The following ADH1C variants were observed in gnomAD, a reference collection of about 807,000 sequenced individuals.
ADH1C encodes the protein alcohol dehydrogenase 1C (class I), gamma polypeptide.
Under a neutral mutation model 35.0 loss-of-function variants are expected in ADH1C, and 26 were observed. The observed-to-expected ratio is 0.74, with a 90% CI of 0.54 to 1.03. The LOEUF (loss-of-function observed/expected upper bound fraction) is 1.03, where lower values mean the gene tolerates loss of function less well. ADH1C is among the 50% of genes least tolerant of loss of function. ADH1C has a pLI of 0.00. For missense variants in ADH1C, 413 were observed against 465.4 expected (o/e 0.89, Z 1.04); for synonymous variants, 170 against 169.3 (o/e 1.00, Z -0.03).
chr4:99,342,785 C>A lies in ADH1C; in HGVS notation c.828+10G>T, dbSNP rs1789912. 1.9e-6 allele frequency: 3 copies of A among 1,613,674 alleles called. No homozygotes were observed. In the South Asian group the frequency reaches 3.3e-5, roughly 18 times the overall value. On this transcript the variant is annotated intron_variant, in intron 6 of 8. Transcript: ENST00000515683. Reference sequence around the variant, plus strand: ...GAGGCAGAAATTTCAGGGCATGTCACGGATCATACCATGGTGTCAAGCCGA... The same window carrying A: ...GAGGCAGAAATTTCAGGGCATGTCAAGGATCATACCATGGTGTCAAGCCGA...
intron 8 of ADH1C, among the ~76,000 whole-genome samples, chr4:99,338,395 CTATATATA>C (rs35124782): frequency 2.8e-4 from 11 of 38,958 alleles, no homozygotes; most frequent in Non-Finnish European, 3.7e-4. Context: ...ATACTGTTTT[CTATATATA>C]TATATATATA....
intron 5 of ADH1C, 119 bp downstream of exon 5, chr4:99,344,743 A>T: frequency 7.7e-7 from 1 of 1,294,918 alleles, no homozygotes; most frequent in Non-Finnish European, 1.1e-6. Context: ...TCATTTTTCT[A>T]CTCTTAATCG....
intron 5 of ADH1C, among the ~76,000 whole-genome samples, chr4:99,343,544 C>A (rs962966029): frequency 2.0e-5 from 3 of 152,200 alleles, no homozygotes; most frequent in African/African-American, 4.8e-5. Context: ...CTCCAGGAGA[C>A]TGAAAAATAT....
intron 6 of ADH1C, among the ~76,000 whole-genome samples, chr4:99,341,516 A>C (rs1734414809): frequency 1.3e-5 from 2 of 152,352 alleles, no homozygotes; most frequent in Admixed American, 1.3e-4. Flanking sequence ...GAAAAAGAGC[A>C]TAAGGAGAAA....
rs1417927055 is a variant in ADH1C, at chr4:99,338,393, TTCTA to T, written c.1103+1180_1103+1183del. On this transcript the variant is annotated intron_variant, in intron 8 of 8. Coordinates refer to ENST00000515683, the MANE Select transcript of ADH1C (RefSeq NM_000669.5). ...TAATTAACCTTTGATGAATACTGTT[TTCTA>T]TATATATATATATATATATATATAT... 3.7e-4 allele frequency among the ~76,000 whole-genome samples: 27 copies of T among 73,098 alleles called. 5 individuals are homozygous for T. The highest frequency in any genetic ancestry group is 1.3e-3 in the African/African-American group (24 of 18,330). 48.0% of individuals were successfully genotyped at this position (73,098 alleles called of 152,430 possible).
intron 2 of ADH1C, 114 bp from the exon 3 acceptor site, chr4:99,347,258 G>A (rs997192899): frequency 4.0e-5 from 53 of 1,316,284 alleles, no homozygotes; most frequent in Non-Finnish European, 1.8e-5. Context: ...GGGTTTTGCT[G>A]ATAATCCCTA....
intron 8 of ADH1C, among the ~76,000 whole-genome samples, chr4:99,337,626 A>G (rs528684283): frequency 1.3e-5 from 2 of 152,112 alleles, no homozygotes; most frequent in Non-Finnish European, 2.9e-5. Context: ...TACACAGATA[A>G]GAAAAATATA....
Position 99,344,918 on chromosome 4 carries a change from A to G in ADH1C, c.511T>C (p.Cys171Arg). 1 of 1,614,226 alleles carries G rather than the reference A, an allele frequency of 6.2e-7. No individual in the cohort carries two copies. Among genetic ancestry groups the G allele is most frequent in the African/African-American group, 1.3e-5 (1 of 75,062 alleles). The change falls in exon 5 of 9, where the codon TGC becomes CGC. Residue 171 changes from cysteine (C) to arginine (R), a missense_variant. By Grantham distance (180) the Cys-to-Arg change is radical. Coordinates refer to ENST00000515683, the MANE Select transcript of ADH1C (RefSeq NM_000669.5). Reference sequence around the variant, plus strand: ...GTCGAAAATCCACAGCCAATGAGGCAGACTTTCTCCAGGGGCGAGGCTGCA... The same window carrying G: ...GTCGAAAATCCACAGCCAATGAGGCGGACTTTCTCCAGGGGCGAGGCTGCA... ...IDAASPLEKV[C>R]LIGCGFSTGY... is the part of the protein sequence containing the mutation.
intron 8 of ADH1C, among the ~76,000 whole-genome samples, chr4:99,338,395 C>CTATATATATATATATA (rs35124782): frequency 2.6e-5 from 1 of 38,946 alleles, no homozygotes; most frequent in Non-Finnish European, 4.7e-5. Flanking sequence ...ATACTGTTTT[C>CTATATATATATATATA]TATATATATA....
Position 99,336,550 on chromosome 4 carries a change from T to C in ADH1C, c.*202A>G. 2 of 672,504 alleles carry C rather than the reference T, an allele frequency of 3.0e-6. No individual in the cohort carries two copies. The highest frequency in any genetic ancestry group is 5.0e-6 in the Non-Finnish European group (2 of 397,574). The allele number at this position is 672,504 out of a possible 1,614,324, so 41.7% of individuals were successfully genotyped here. A position where few individuals can be genotyped will look rare whatever the true frequency, so the allele number is the denominator to read the frequency against. On this transcript the variant is annotated 3_prime_UTR_variant, in exon 9 of 9. Coordinates refer to ENST00000515683, the MANE Select transcript of ADH1C (RefSeq NM_000669.5). ...AATTCCCCAGTTGATGTTCAACACTTTATTTAGTTCTCATTTGGATTTTAA... is the reference window on the plus strand; with the variant it reads ...AATTCCCCAGTTGATGTTCAACACTCTATTTAGTTCTCATTTGGATTTTAA...
Position 99,349,803 on chromosome 4 carries a change from TTC to T in ADH1C, c.19-1959_19-1958del, listed in dbSNP as rs139480244. 1.4e-3 allele frequency among the ~76,000 whole-genome samples: 203 copies of T among 149,278 alleles called. No homozygotes were observed. The Middle Eastern group carries it at 0.014, about 10-fold the overall frequency. ...TAGAGTTGGTGTTGTGTATGTGTGTTTCTGTGTGTGTGTGTGTGTGTGTGCAT... is the reference window on the plus strand; with the variant it reads ...TAGAGTTGGTGTTGTGTATGTGTGTTTGTGTGTGTGTGTGTGTGTGTGCAT... On this transcript the variant is annotated intron_variant, in intron 1 of 8. Coordinates refer to ENST00000515683, the MANE Select transcript of ADH1C (RefSeq NM_000669.5).
rs1334509876 is a variant in ADH1C, at chr4:99,338,393, T to TTATATATATA, written c.1103+1183_1103+1184insTATATATATA. 6.1e-3 allele frequency among the ~76,000 whole-genome samples: 442 copies of TTATATATATA among 73,046 alleles called. 81 individuals are homozygous for TTATATATATA. Among genetic ancestry groups the TTATATATATA allele is most frequent in the South Asian group, 0.013 (19 of 1,478 alleles). 47.9% of individuals were successfully genotyped at this position (73,046 alleles called of 152,430 possible). On this transcript the variant is annotated intron_variant, in intron 8 of 8. Coordinates refer to ENST00000515683, the MANE Select transcript of ADH1C (RefSeq NM_000669.5). The stretch of plus-strand genomic sequence containing the variant: ...TAATTAACCTTTGATGAATACTGTT[T>TTATATATATA]TCTATATATATATATATATATATAT...
At chr4:99,346,630 C>T (rs1331683617) in intron 3 of ADH1C, among the ~76,000 whole-genome samples, 1 of 151,678 alleles carries the variant, frequency 6.6e-6, no homozygotes, top group African/African-American at 2.4e-5. Context: ...TTTTTTTCTC[C>T]CCTCCCATTT....
chr4:99,341,872 A>G lies in ADH1C; in HGVS notation c.828+923T>C, dbSNP rs1446595881. ...ATATCAATAATGCCAACTGAGGCTC[A>G]GCATGGTTGCTCATGTCTGTACTCA... On this transcript the variant is annotated intron_variant, in intron 6 of 8. Transcript: ENST00000515683. 5.3e-5 allele frequency among the ~76,000 whole-genome samples: 8 copies of G among 152,064 alleles called. 1 individual carries two copies.
At chr4:99,349,798 T>G (rs1260045933) in intron 1 of ADH1C, among the ~76,000 whole-genome samples, 1 of 120,822 alleles carries the variant, frequency 8.3e-6, no homozygotes, top group Non-Finnish European at 2.1e-5. Context: ...GTTGTGTATG[T>G]GTGTTTCTGT....
intron 8 of ADH1C, among the ~76,000 whole-genome samples, chr4:99,338,055 T>C (rs1436169260): frequency 6.6e-5 from 10 of 151,808 alleles, no homozygotes. Context: ...GGATCTAGGT[T>C]TTTTTTGGAG....
chr4:99,339,696 A>G lies in ADH1C; in HGVS notation c.984T>C (p.Ser328=). 6 of 1,612,134 alleles carry G rather than the reference A, an allele frequency of 3.7e-6. No homozygotes were observed. The highest frequency in any genetic ancestry group is 5.1e-6 in the Non-Finnish European group (6 of 1,179,308). Residue 328 remains serine, a synonymous_variant, in exon 8 of 9, where the codon TCT becomes TCC. Transcript: ENST00000515683. ...AIFGGFKSKE[S]VPKLVADFMA... is the part of the protein sequence containing the mutation. ...TAAAGTCAGCCACAAGTTTGGGGAC[A>G]GATTCTTTACTCTTAAAGCCTGAAA...
At chr4:99,345,338 C>T in intron 3 of ADH1C, 72 bp from the exon 4 acceptor site, 3 of 1,393,088 alleles carry the variant, frequency 2.2e-6, no homozygotes, top group Non-Finnish European at 3.0e-6. Flanking sequence ...TTAACGCTCA[C>T]ATGTATAGAT....
chr4:99,350,164 A>T (rs1228086818), intron 1 of ADH1C, among the ~76,000 whole-genome samples: 2 of 152,228 alleles, frequency 1.3e-5, no homozygotes, highest in African/African-American at 4.8e-5. Flanking sequence ...ACTTGGAAAT[A>T]AAGTTCTAAT....
Sources: allele counts gnomAD v4.1 joint callset (sites outside exome capture counted in the v4.1 genomes callset), GRCh38; gene constraint gnomAD v4.1.1; transcripts MANE v1.5; gene names NCBI Gene and HGNC (gene_info 2026-07-23, HGNC 2026-07-21).